Variants in OR10J1 observed in about 807,000 individuals in gnomAD.
The protein encoded by OR10J1 is olfactory receptor family 10 subfamily J member 1.
For synonymous variants in OR10J1, 202 were observed against 143.8 expected (o/e 1.40, Z -2.89); for missense variants, 474 against 376.6 (o/e 1.26, Z -2.14).
the OR10J1 span, among the ~76,000 whole-genome samples, chr1:159,401,602 A>G: frequency 2.6e-5 from 4 of 152,006 alleles, no homozygotes; most frequent in African/African-American, 7.2e-5. Context: ...GATTGAAGCC[A>G]TAACAAAAAG....
At chr1:159,424,959 A>T in the OR10J1 span, among the ~76,000 whole-genome samples, 1 of 152,138 alleles carries the variant, frequency 6.6e-6, no homozygotes. Context: ...AAATGCTAAG[A>T]GTTTCCAGAC....
the OR10J1 span, among the ~76,000 whole-genome samples, chr1:159,397,528 A>G: frequency 6.6e-6 from 1 of 151,976 alleles, no homozygotes; most frequent in Non-Finnish European, 1.5e-5. Context: ...ACTACCCTGA[A>G]GGGTGAGTCC....
At chr1:159,418,675 G>T in the OR10J1 span, among the ~76,000 whole-genome samples, 1 of 152,170 alleles carries the variant, frequency 6.6e-6, no homozygotes, top group Non-Finnish European at 1.5e-5. Flanking sequence ...GTCCTTACTG[G>T]GACACTGGCT....
chr1:159,440,753 A>G lies in OR10J1; in HGVS notation c.*32A>G. Reference sequence around the variant, plus strand: ...AGGAAGAGTTCTCCTGAGGCTGTCAACATCCACACTAGGCAGGAATATGAG... The same window carrying G: ...AGGAAGAGTTCTCCTGAGGCTGTCAGCATCCACACTAGGCAGGAATATGAG... On this transcript the variant is annotated 3_prime_UTR_variant, in exon 1 of 1. Transcript: ENST00000423932. 5.0e-6 allele frequency: 8 copies of G among 1,587,764 alleles called. No homozygotes were observed. Among genetic ancestry groups the G allele is most frequent in the Non-Finnish European group, 6.9e-6 (8 of 1,164,308 alleles).
At chr1:159,431,411 C>A in the OR10J1 span, among the ~76,000 whole-genome samples, 1 of 152,216 alleles carries the variant, frequency 6.6e-6, no homozygotes. Flanking sequence ...CCTCTCTTGA[C>A]TTCCCAGGAG....
chr1:159,439,116 A>G (rs1173938238), upstream of OR10J1, among the ~76,000 whole-genome samples: 1 of 152,162 alleles, frequency 6.6e-6, no homozygotes, highest in Non-Finnish European at 1.5e-5. Context: ...AAGTGGGGAG[A>G]GGCTGGTGGT....
At chr1:159,439,272 C>A (rs1340106449), upstream of OR10J1, among the ~76,000 whole-genome samples, 1 of 152,160 alleles carries the variant, frequency 6.6e-6, no homozygotes, top group Non-Finnish European at 1.5e-5. Flanking sequence ...TATTTTCAAG[C>A]ACCCAATCCA....
At chr1:159,437,574 G>C (rs1372132103), upstream of OR10J1, among the ~76,000 whole-genome samples, 1 of 152,138 alleles carries the variant, frequency 6.6e-6, no homozygotes, top group Admixed American at 6.5e-5. Context: ...AAATAAACCA[G>C]CTTCCTCAAA....
At chr1:159,424,210 C>A in the OR10J1 span, among the ~76,000 whole-genome samples, 1 of 141,202 alleles carries the variant, frequency 7.1e-6, no homozygotes. Context: ...AGCAAGACTC[C>A]ATCTCCAAAA....
At chr1:159,427,519 A>G in the OR10J1 span, among the ~76,000 whole-genome samples, 2 of 151,954 alleles carry the variant, frequency 1.3e-5, no homozygotes, top group African/African-American at 4.8e-5. Context: ...ACAACTTTAT[A>G]CTAATTTATT....
chr1:159,431,534 T>A, the OR10J1 span, among the ~76,000 whole-genome samples: 1 of 152,150 alleles, frequency 6.6e-6, no homozygotes, highest in African/African-American at 2.4e-5. Context: ...ACCAGGTGAG[T>A]CTGAGTAGAG....
the OR10J1 span, among the ~76,000 whole-genome samples, chr1:159,397,682 G>T: frequency 2.0e-5 from 3 of 152,256 alleles, no homozygotes; most frequent in Non-Finnish European, 4.4e-5. Context: ...AAAAAGAAAG[G>T]AAGAGTGGGA....
At chr1:159,412,547 T>C in the OR10J1 span, among the ~76,000 whole-genome samples, 96 of 148,086 alleles carry the variant, frequency 6.5e-4, 1 homozygote, top group East Asian at 0.018. Flanking sequence ...TCTACAACTA[T>C]CTGATCTTTG....
the OR10J1 span, among the ~76,000 whole-genome samples, chr1:159,426,752 T>G: frequency 6.6e-6 from 1 of 151,796 alleles, no homozygotes; most frequent in African/African-American, 2.4e-5. Flanking sequence ...ATGTAAATAT[T>G]TTTTTCATGG....
the OR10J1 span, among the ~76,000 whole-genome samples, chr1:159,413,481 C>A: frequency 6.6e-6 from 1 of 152,026 alleles, no homozygotes; most frequent in African/African-American, 2.4e-5. Flanking sequence ...AAATGTGGCA[C>A]ATATACACCA....
At chr1:159,421,925 A>G in the OR10J1 span, among the ~76,000 whole-genome samples, 1 of 152,074 alleles carries the variant, frequency 6.6e-6, no homozygotes, top group Admixed American at 6.6e-5. Context: ...CAGGTTCTTA[A>G]GCACCTGGGC....
At chr1:159,406,076 G>T in the OR10J1 span, 1 of 430,158 alleles carries the variant, frequency 2.3e-6, no homozygotes, top group Admixed American at 2.9e-5. Flanking sequence ...GAGTGACACA[G>T]CCTTGCATGA....
the OR10J1 span, chr1:159,432,726 A>G: frequency 2.5e-6 from 1 of 403,348 alleles, no homozygotes; most frequent in East Asian, 3.6e-5. Context: ...TGCTAATCTC[A>G]TCTCCCACTT....
chr1:159,415,676 A>G, the OR10J1 span, among the ~76,000 whole-genome samples: 1 of 152,040 alleles, frequency 6.6e-6, no homozygotes, highest in Non-Finnish European at 1.5e-5. Flanking sequence ...GGTAATTTTA[A>G]TGATATGAAT....
Sources: gnomAD v4.1 joint callset for allele counts (sites outside exome capture counted in the v4.1 genomes callset) on GRCh38, gnomAD v4.1.1 for gene constraint, MANE v1.5 for transcripts, NCBI Gene and HGNC (gene_info 2026-07-23, HGNC 2026-07-21) for gene names.